The following PRDM11 variants were observed in gnomAD, a reference collection of about 807,000 sequenced individuals.
PRDM11 encodes PR/SET domain 11.
Under a neutral mutation model 97.8 loss-of-function variants are expected in PRDM11, and 20 were observed. That is an observed-to-expected ratio of 0.20 (90% CI 0.14 to 0.30). The LOEUF is 0.30. PRDM11 is among the 10% of genes least tolerant of loss of function. The pLI is 1.00. For synonymous variants in PRDM11, 599 were observed against 637.7 expected, an observed-to-expected ratio of 0.94 and a Z score of 0.91; for missense variants, 1,139 against 1,555.2, an observed-to-expected ratio of 0.73 and a Z score of 4.50.
intron 6 of PRDM11, among the ~76,000 whole-genome samples, chr11:45,221,877 G>T (rs1473361478): frequency 6.6e-6 from 1 of 152,202 alleles, no homozygotes; most frequent in Non-Finnish European, 1.5e-5. Flanking sequence ...AGCTTCAGCG[G>T]ACTCTGGTTA....
At chr11:45,156,491 A>G (rs1046657734) in intron 1 of PRDM11, among the ~76,000 whole-genome samples, 8 of 152,368 alleles carry the variant, frequency 5.3e-5, no homozygotes, top group African/African-American at 1.9e-4. Flanking sequence ...ACCTCTGCCC[A>G]TCCTGAGCTG....
chr11:45,190,577 CT>C (rs879524677), intron 4 of PRDM11, among the ~76,000 whole-genome samples: 116 of 143,416 alleles, frequency 8.1e-4, no homozygotes, highest in Middle Eastern at 3.7e-3. Context: ...GGTGAGCAAA[CT>C]TTTTTTTTTT....
chr11:45,099,649 G>A (rs945161610), intron 1 of PRDM11, among the ~76,000 whole-genome samples: 3 of 151,988 alleles, frequency 2.0e-5, no homozygotes, highest in East Asian at 1.9e-4. Context: ...CATGCAATGC[G>A]CCATAATCAC....
intron 5 of PRDM11, chr11:45,213,073 C>G (rs1435620295): frequency 2.2e-6 from 1 of 451,688 alleles, no homozygotes; most frequent in Non-Finnish European, 4.5e-6. Flanking sequence ...GAGGAAGAGT[C>G]ATGGAGGAGG....
chr11:45,147,203 G>T (rs1349557228), intron 1 of PRDM11: 1 of 151,808 alleles, frequency 6.6e-6, no homozygotes, highest in Non-Finnish European at 1.5e-5. Context: ...CTCTCCGCAA[G>T]CGGCGCGCCC....
intron 1 of PRDM11, among the ~76,000 whole-genome samples, chr11:45,156,476 C>T (rs1315644156): frequency 6.6e-6 from 1 of 152,212 alleles, no homozygotes; most frequent in African/African-American, 2.4e-5. Context: ...GACCGTGGTC[C>T]GCAGACCTCT....
At chr11:45,179,540 G>A (rs12289677) in intron 1 of PRDM11, among the ~76,000 whole-genome samples, 16,578 of 152,224 alleles carry the variant, frequency 0.11, 1,297 homozygotes, top group Admixed American at 0.26. Flanking sequence ...TTAGAGCCTA[G>A]GAAGTCCAAG....
upstream of PRDM11, among the ~76,000 whole-genome samples, chr11:45,144,214 A>T (rs1043083662): frequency 6.6e-6 from 1 of 152,206 alleles, no homozygotes; most frequent in South Asian, 2.1e-4. Flanking sequence ...CCAACTCTTC[A>T]TGCCATGCAG....
At chr11:45,217,946 T>C (rs1854005870) in intron 5 of PRDM11, among the ~76,000 whole-genome samples, 1 of 152,226 alleles carries the variant, frequency 6.6e-6, no homozygotes, top group Non-Finnish European at 1.5e-5. Flanking sequence ...GTTAAAACAT[T>C]GGTATATTTC....
At chr11:45,125,407 T>G (rs1386952831) in intron 1 of PRDM11, among the ~76,000 whole-genome samples, 1 of 152,180 alleles carries the variant, frequency 6.6e-6, no homozygotes, top group Non-Finnish European at 1.5e-5. Flanking sequence ...GCTCTTGCTT[T>G]TCTAGTTCTT....
At position 45,231,757 on chromosome 11, in the gene PRDM11, G is replaced by A. The variant is rs1854403139; in HGVS notation, c.*3598G>A. ...ATCTGTGAAACATGAGGACAGCGCAGTCAAGTCTGTAACTCTTGCCATGTC... is the reference window on the plus strand; with the variant it reads ...ATCTGTGAAACATGAGGACAGCGCAATCAAGTCTGTAACTCTTGCCATGTC... On this transcript the variant is annotated 3_prime_UTR_variant, in exon 8 of 8. Transcript: ENST00000683152. 1 of 151,864 alleles carries A rather than the reference G, an allele frequency of 6.6e-6. No individual in the cohort carries two copies. The highest frequency in any genetic ancestry group is 2.4e-5 in the African/African-American group (1 of 41,306). The allele number at this position is 151,864 out of a possible 1,614,324, so 9.4% of individuals were successfully genotyped here. A position where few individuals can be genotyped will look rare whatever the true frequency, so the allele number is the denominator to read the frequency against.
At chr11:45,101,572 AG>A (rs1565220024) in intron 1 of PRDM11, among the ~76,000 whole-genome samples, 403 of 123,598 alleles carry the variant, frequency 3.3e-3, no homozygotes, top group Middle Eastern at 8.1e-3. Flanking sequence ...AAAAAAAAGA[AG>A]AAGAAGAAGA....
chr11:45,204,056 A>C (rs1853422150), intron 4 of PRDM11, among the ~76,000 whole-genome samples: 1 of 152,226 alleles, frequency 6.6e-6, no homozygotes. Context: ...CAAAAGAACA[A>C]CATTAGACTG....
chr11:45,159,678 C>CT (rs1483767933), intron 1 of PRDM11, among the ~76,000 whole-genome samples: 1 of 152,146 alleles, frequency 6.6e-6, no homozygotes, highest in East Asian at 1.9e-4. Flanking sequence ...CAGGCTCAGT[C>CT]TATGTTTGGG....
chr11:45,212,063 T>C (rs1320536586), intron 5 of PRDM11, among the ~76,000 whole-genome samples: 1 of 152,210 alleles, frequency 6.6e-6, no homozygotes, highest in African/African-American at 2.4e-5. Flanking sequence ...ATGACTCTTC[T>C]TAACAACCCA....
chr11:45,105,302 G>A (rs1296367012), intron 1 of PRDM11, among the ~76,000 whole-genome samples: 1 of 152,194 alleles, frequency 6.6e-6, no homozygotes, highest in Non-Finnish European at 1.5e-5. Flanking sequence ...AATTTGAGGA[G>A]TACACATTCA....
At chr11:45,222,578 G>A (rs1472916981) in intron 6 of PRDM11, among the ~76,000 whole-genome samples, 2 of 152,194 alleles carry the variant, frequency 1.3e-5, no homozygotes, top group Admixed American at 1.3e-4. Flanking sequence ...CTGGGTTCCA[G>A]AAGCCTTGGA....
chr11:45,113,659 T>G (rs1322164313), intron 1 of PRDM11, among the ~76,000 whole-genome samples: 1 of 152,130 alleles, frequency 6.6e-6, no homozygotes, highest in African/African-American at 2.4e-5. Flanking sequence ...GTAGAGATCT[T>G]TCACCTCTTT....
Position 45,219,737 on chromosome 11 carries a change from T to G in PRDM11, c.722T>G (p.Ile241Ser). 4 of 1,613,732 alleles carry G rather than the reference T, an allele frequency of 2.5e-6. No homozygotes were observed. The highest frequency in any genetic ancestry group is 3.4e-6 in the Non-Finnish European group (4 of 1,179,924). Residue 241 changes from isoleucine to serine, a missense_variant, in exon 6 of 8, where the codon ATT becomes AGT. Ile to Ser is a moderately radical substitution (Grantham distance 142). This residue lies in a region of PRDM11 where 429 missense variants were observed against 510.3 expected (regional missense o/e 0.84). Transcript: ENST00000683152. The surrounding 1 kb of genome is among the most constrained non-coding windows in gnomAD (Gnocchi z 4.2). Reference sequence around the variant, plus strand: ...CTGCACAGCATGTCCCAGGAAACCATTCACCGCAACCTGGCCAGAGGTGAG... The same window carrying G: ...CTGCACAGCATGTCCCAGGAAACCAGTCACCGCAACCTGGCCAGAGGTGAG... ...KRLHSMSQET[I>S]HRNLARGEKR...
Sources: gnomAD v4.1 joint callset for allele counts (sites outside exome capture counted in the v4.1 genomes callset) on GRCh38, gnomAD v4.1.1 for gene constraint, gnomAD v4.1.1 regional missense constraint, Gnocchi (gnomAD v3.1) non-coding constraint, MANE v1.5 for transcripts, NCBI Gene and HGNC (gene_info 2026-07-23, HGNC 2026-07-21) for gene names.